The following ANTXR1 variants were observed in gnomAD, a reference collection of about 807,000 sequenced individuals.
ANTXR1 encodes ANTXR cell adhesion molecule 1.
ANTXR1 carries 19 observed loss-of-function variants against 78.1 expected under a neutral mutation model. That is an observed-to-expected ratio of 0.24 (90% CI 0.17 to 0.36). The LOEUF is 0.36. Among genes scored for constraint, ANTXR1 ranks in the 10% least tolerant of loss-of-function variants. ANTXR1 has a pLI of 1.00. For synonymous variants in ANTXR1, 273 were observed against 260.5 expected, an observed-to-expected ratio of 1.05 and a Z score of -0.46; for missense variants, 518 against 718.6, an observed-to-expected ratio of 0.72 and a Z score of 3.19.
intron 17 of ANTXR1, among the ~76,000 whole-genome samples, chr2:69,241,497 T>A (rs1675892993): frequency 6.6e-6 from 1 of 152,198 alleles, no homozygotes; most frequent in Non-Finnish European, 1.5e-5. Flanking sequence ...GAAGATAAAT[T>A]CAACATCAGT....
chr2:69,056,223 A>T (rs1436337492), intron 3 of ANTXR1, among the ~76,000 whole-genome samples: 2 of 152,152 alleles, frequency 1.3e-5, no homozygotes, highest in Non-Finnish European at 2.9e-5. Flanking sequence ...CAAAACCAAC[A>T]TATTTTTTAT....
chr2:69,087,635 T>C (rs956218039), intron 8 of ANTXR1, among the ~76,000 whole-genome samples: 1 of 152,178 alleles, frequency 6.6e-6, no homozygotes, highest in African/African-American at 2.4e-5. Context: ...AGATCAATCA[T>C]ACCCTCACCT....
chr2:69,035,891 C>T (rs1030839974), intron 1 of ANTXR1, among the ~76,000 whole-genome samples: 7 of 152,154 alleles, frequency 4.6e-5, no homozygotes, highest in Middle Eastern at 3.2e-3. Context: ...GGATCTTTCC[C>T]TATATCTGGC....
intron 17 of ANTXR1, among the ~76,000 whole-genome samples, chr2:69,236,296 A>C (rs1675762040): frequency 6.6e-6 from 1 of 152,190 alleles, no homozygotes; most frequent in Non-Finnish European, 1.5e-5. Context: ...GTGTATATAT[A>C]TGTGAGTTTG....
At chr2:69,243,083 A>G (rs1200428597) in intron 17 of ANTXR1, among the ~76,000 whole-genome samples, 2 of 152,238 alleles carry the variant, frequency 1.3e-5, no homozygotes, top group African/African-American at 4.8e-5. Context: ...GCTGGCATCT[A>G]AACATAGCAT....
At chr2:69,113,533 G>C (rs886664514) in intron 10 of ANTXR1, among the ~76,000 whole-genome samples, 2 of 152,226 alleles carry the variant, frequency 1.3e-5, no homozygotes, top group African/African-American at 4.8e-5. Flanking sequence ...CAGCCAGCAA[G>C]CATCCCACAG....
rs955584426 is a variant in ANTXR1, at chr2:69,043,684, T to C, written c.225-1058T>C. On this transcript the variant is annotated intron_variant, in intron 2 of 17. Transcript: ENST00000303714. ...TTTATCCTGGAGACAGTAGGAGTCA[T>C]TGGAAATTTTATAGCAGATAAGTGA... Among the ~76,000 whole-genome samples the C allele has an allele frequency of 5.3e-5, 8 of 152,224 alleles. No homozygotes were observed. The South Asian group carries it at 6.2e-4, about 12-fold the overall frequency.
At chr2:69,055,192 G>A (rs72827622) in intron 3 of ANTXR1, among the ~76,000 whole-genome samples, 5,699 of 152,246 alleles carry the variant, frequency 0.037, 128 homozygotes, top group Middle Eastern at 0.12. Context: ...AATCATCACA[G>A]TAGGCCCAAC....
intron 12 of ANTXR1, among the ~76,000 whole-genome samples, chr2:69,151,304 C>A (rs1673389219): frequency 6.8e-6 from 1 of 146,740 alleles, no homozygotes; most frequent in Non-Finnish European, 1.5e-5. Context: ...CAGAAGGAAG[C>A]TTTTGATACC....
chr2:69,088,006 T>C (rs1573861366), intron 8 of ANTXR1, among the ~76,000 whole-genome samples: 1 of 152,354 alleles, frequency 6.6e-6, no homozygotes, highest in South Asian at 2.1e-4. Context: ...CTATTGGCTG[T>C]ATTGCATCCT....
chr2:69,163,382 C>T (rs62134899), intron 13 of ANTXR1, among the ~76,000 whole-genome samples: 3,374 of 152,254 alleles, frequency 0.022, 45 homozygotes, highest in Non-Finnish European at 0.033. Context: ...CTGCTGCTCT[C>T]GGCATTACCT....
chr2:69,150,758 C>T (rs1441872491), intron 12 of ANTXR1, among the ~76,000 whole-genome samples: 2 of 151,986 alleles, frequency 1.3e-5, no homozygotes, highest in South Asian at 4.2e-4. Flanking sequence ...ATGGCTCACA[C>T]CTATAGTCCC....
intron 13 of ANTXR1, among the ~76,000 whole-genome samples, chr2:69,162,537 C>T (rs1243281328): frequency 1.3e-5 from 2 of 152,124 alleles, no homozygotes; most frequent in Non-Finnish European, 2.9e-5. Flanking sequence ...TCAACCCAGG[C>T]CTCATAGAAT....
chr2:69,140,533 C>A (rs368277756), intron 12 of ANTXR1, among the ~76,000 whole-genome samples: 22 of 152,306 alleles, frequency 1.4e-4, no homozygotes, highest in African/African-American at 5.3e-4. Context: ...CTGTAGGAAC[C>A]AGTTCTGGTG....
intron 12 of ANTXR1, among the ~76,000 whole-genome samples, chr2:69,126,512 A>T (rs972565020): frequency 6.6e-6 from 1 of 152,124 alleles, no homozygotes; most frequent in Non-Finnish European, 1.5e-5. Context: ...TGATTAAAAT[A>T]CTCTAAATCA....
intron 14 of ANTXR1, among the ~76,000 whole-genome samples, chr2:69,179,448 T>C (rs1674218203): frequency 6.6e-6 from 1 of 150,726 alleles, no homozygotes; most frequent in African/African-American, 2.5e-5. Flanking sequence ...TCAGGCAGGC[T>C]GAGGTGAGAG....
At chr2:69,230,426 T>G (rs1461143741) in intron 17 of ANTXR1, among the ~76,000 whole-genome samples, 1 of 152,094 alleles carries the variant, frequency 6.6e-6, no homozygotes, top group Non-Finnish European at 1.5e-5. Context: ...AGTTGTAACT[T>G]TACGCGTAGG....
At chr2:69,112,720 T>C (rs941191134) in intron 10 of ANTXR1, among the ~76,000 whole-genome samples, 13 of 152,180 alleles carry the variant, frequency 8.5e-5, no homozygotes, top group Admixed American at 6.5e-4. Context: ...TGGCCCTTTT[T>C]CTTGAACTTC....
intron 17 of ANTXR1, among the ~76,000 whole-genome samples, chr2:69,224,981 G>A (rs184432760): frequency 1.2e-3 from 156 of 134,162 alleles, no homozygotes; most frequent in African/African-American, 3.4e-3. Context: ...CCCTCCCTCC[G>A]TTTTCTGTGG....
Sources: gnomAD v4.1 joint callset for allele counts (sites outside exome capture counted in the v4.1 genomes callset) on GRCh38, gnomAD v4.1.1 for gene constraint, MANE v1.5 for transcripts, NCBI Gene and HGNC (gene_info 2026-07-23, HGNC 2026-07-21) for gene names.